The following CSMD1 variants were observed in gnomAD, a reference collection of about 807,000 sequenced individuals.
CSMD1 encodes CUB and sushi domain-containing protein 1.
A neutral mutation model predicts 417.5 loss-of-function variants in CSMD1; 213 were observed. The ratio of observed to expected loss-of-function variants is 0.51; its 90% CI spans 0.46 to 0.57. CSMD1 has a LOEUF of 0.57. CSMD1 is among the 20% of genes least tolerant of loss of function. The pLI, the probability that CSMD1 is intolerant of heterozygous loss-of-function variation, is 0.00. For synonymous variants in CSMD1, 2,862 were observed against 1,736.8 expected (o/e 1.65, Z -16.11); for missense variants, 6,923 against 4,529.7 (o/e 1.53, Z -15.17).
At chr8:4,779,390 A>T (rs761657418) in intron 1 of CSMD1, among the ~76,000 whole-genome samples, 3 of 152,212 alleles carry the variant, frequency 2.0e-5, no homozygotes, top group African/African-American at 7.2e-5. Flanking sequence ...AATCCCTTTA[A>T]AACTTTTATT....
At chr8:4,470,100 G>C (rs193045113) in intron 2 of CSMD1, among the ~76,000 whole-genome samples, 1 of 151,946 alleles carries the variant, frequency 6.6e-6, no homozygotes, top group African/African-American at 2.4e-5. Flanking sequence ...TCGATCTCCT[G>C]ATCTCGTGAT....
At chr8:3,626,155 G>C (rs139718007) in intron 7 of CSMD1, among the ~76,000 whole-genome samples, 12 of 152,336 alleles carry the variant, frequency 7.9e-5, no homozygotes, top group African/African-American at 2.9e-4. Flanking sequence ...CAGCACCAAA[G>C]AGCGACGTCT....
At chr8:4,190,438 T>A (rs922610829) in intron 3 of CSMD1, among the ~76,000 whole-genome samples, 4 of 152,094 alleles carry the variant, frequency 2.6e-5, no homozygotes, top group Admixed American at 2.0e-4. Flanking sequence ...TAATGTGAAT[T>A]GCTTAGAATA....
At chr8:4,109,161 T>G (rs761605188) in intron 3 of CSMD1, among the ~76,000 whole-genome samples, 4 of 152,148 alleles carry the variant, frequency 2.6e-5, no homozygotes, top group Non-Finnish European at 5.9e-5. Context: ...ATGTAAATAG[T>G]GTTATGCTGT....
At chr8:4,539,996 C>T (rs758518022) in intron 2 of CSMD1, among the ~76,000 whole-genome samples, 28 of 152,150 alleles carry the variant, frequency 1.8e-4, no homozygotes, top group Non-Finnish European at 3.8e-4. Flanking sequence ...GCTATTGAGC[C>T]GCTCACCGGG....
intron 7 of CSMD1, among the ~76,000 whole-genome samples, chr8:3,688,292 G>C (rs1800050226): frequency 6.6e-6 from 1 of 152,142 alleles, no homozygotes; most frequent in Non-Finnish European, 1.5e-5. Context: ...GACTATAATA[G>C]AGGTGTAAAG....
At chr8:3,668,712 G>C (rs1049036611) in intron 7 of CSMD1, among the ~76,000 whole-genome samples, 3 of 152,146 alleles carry the variant, frequency 2.0e-5, no homozygotes, top group African/African-American at 7.2e-5. Context: ...CACAGAGATG[G>C]ATGAGTTGGG....
At chr8:4,129,887 A>T (rs956213968) in intron 3 of CSMD1, among the ~76,000 whole-genome samples, 1 of 152,054 alleles carries the variant, frequency 6.6e-6, no homozygotes, top group Non-Finnish European at 1.5e-5. Context: ...TGTTTTGTGA[A>T]TATAATATAT....
chr8:4,762,215 T>C (rs926500775), intron 1 of CSMD1, among the ~76,000 whole-genome samples: 2 of 152,100 alleles, frequency 1.3e-5, no homozygotes, highest in Non-Finnish European at 2.9e-5. Flanking sequence ...TAAAATCATA[T>C]CTGCATGGTA....
chr8:3,483,927 G>A (rs1262374094), intron 11 of CSMD1, among the ~76,000 whole-genome samples: 2 of 152,144 alleles, frequency 1.3e-5, no homozygotes, highest in African/African-American at 4.8e-5. Context: ...AACATTTGAC[G>A]ATTCACAGGA....
intron 27 of CSMD1, among the ~76,000 whole-genome samples, chr8:3,224,339 G>A (rs144119596): frequency 1.3e-5 from 2 of 152,296 alleles, no homozygotes; most frequent in East Asian, 1.9e-4. Context: ...CATGCTTCAT[G>A]TGGTACAGGG....
intron 5 of CSMD1, among the ~76,000 whole-genome samples, chr8:3,988,786 T>C (rs558648668): frequency 1.3e-5 from 2 of 152,364 alleles, no homozygotes; most frequent in African/African-American, 4.8e-5. Context: ...ATGCTGATTA[T>C]GGTCAATTAT....
At chr8:4,127,556 C>T (rs1338968959) in intron 3 of CSMD1, among the ~76,000 whole-genome samples, 1 of 151,202 alleles carries the variant, frequency 6.6e-6, no homozygotes, top group Non-Finnish European at 1.5e-5. Flanking sequence ...GTCAGTTTTC[C>T]TTCCTTTCCA....
chr8:4,099,239 C>T (rs1206217302), intron 3 of CSMD1, among the ~76,000 whole-genome samples: 2 of 151,678 alleles, frequency 1.3e-5, no homozygotes, highest in African/African-American at 2.4e-5. Flanking sequence ...CTAATTCCTT[C>T]CCTCTTCAAG....
intron 5 of CSMD1, among the ~76,000 whole-genome samples, chr8:3,795,876 ATATATC>A (rs1800059964): frequency 1.2e-5 from 1 of 83,662 alleles, no homozygotes; most frequent in African/African-American, 4.4e-5. Context: ...AGATATAGAT[ATATATC>A]TATCATGTAC....
chr8:3,584,306 G>A (rs1053772003), intron 9 of CSMD1, among the ~76,000 whole-genome samples: 24 of 152,226 alleles, frequency 1.6e-4, no homozygotes, highest in African/African-American at 5.8e-4. Flanking sequence ...TACTAGTAAC[G>A]TTCCAGAAAA....
At chr8:4,496,397 G>C (rs1801980550) in intron 2 of CSMD1, among the ~76,000 whole-genome samples, 1 of 152,124 alleles carries the variant, frequency 6.6e-6, no homozygotes, top group Admixed American at 6.5e-5. Context: ...GGAGAGAGCT[G>C]ATGAGATTCA....
At chr8:3,910,801 T>C (rs1808408990) in intron 5 of CSMD1, among the ~76,000 whole-genome samples, 1 of 152,172 alleles carries the variant, frequency 6.6e-6, no homozygotes, top group Non-Finnish European at 1.5e-5. Flanking sequence ...CAAATATAAC[T>C]TGTTATTGGA....
At chr8:4,660,438 T>C (rs961070332) in intron 1 of CSMD1, among the ~76,000 whole-genome samples, 8 of 152,042 alleles carry the variant, frequency 5.3e-5, no homozygotes, top group African/African-American at 1.9e-4. Flanking sequence ...AGGAAAGATA[T>C]CAATGATCCC....
Sources: gnomAD v4.1 joint callset for allele counts (sites outside exome capture counted in the v4.1 genomes callset) on GRCh38, gnomAD v4.1.1 for gene constraint, MANE v1.5 for transcripts, NCBI Gene and HGNC (gene_info 2026-07-23, HGNC 2026-07-21) for gene names.